The following BCCIP variants were observed in gnomAD, a reference collection of about 807,000 sequenced individuals.
The protein encoded by BCCIP is BRCA2 and CDKN1A-interacting protein.
In BCCIP, 23 loss-of-function variants were observed where a neutral mutation model predicts 32.8. The observed-to-expected ratio is 0.70, with a 90% CI of 0.51 to 0.99. BCCIP has a LOEUF of 0.99. BCCIP is among the 50% of genes least tolerant of loss of function. BCCIP has a pLI of 0.00. For missense variants in BCCIP, 378 were observed against 379.8 expected, an observed-to-expected ratio of 1.00 and a Z score of 0.04; for synonymous variants, 144 against 137.6, an observed-to-expected ratio of 1.05 and a Z score of -0.33.
downstream of BCCIP, chr10:125,836,714 T>G: frequency 2.5e-6 from 4 of 1,614,176 alleles, no homozygotes; most frequent in Non-Finnish European, 3.4e-6. Flanking sequence ...TCTGTTCAGT[T>G]TCAGGGCACG....
chr10:125,846,536 C>T (rs567800866), downstream of BCCIP, among the ~76,000 whole-genome samples: 2 of 152,326 alleles, frequency 1.3e-5, no homozygotes, highest in Admixed American at 1.3e-4. Flanking sequence ...GGCAGGCACA[C>T]ATCTGGGACA....
At chr10:125,840,846 C>A (rs776427658), downstream of BCCIP, 6 of 1,583,130 alleles carry the variant, frequency 3.8e-6, no homozygotes, top group East Asian at 4.5e-5. Flanking sequence ...CATTCACTTA[C>A]ACTCACTGCT....
intron 7 of BCCIP, among the ~76,000 whole-genome samples, chr10:125,848,967 A>G (rs1449381377): frequency 6.6e-6 from 1 of 152,168 alleles, no homozygotes; most frequent in Non-Finnish European, 1.5e-5. Flanking sequence ...CCAGGCTTGG[A>G]GCCCTGGCAG....
intron 1 of BCCIP, 73 bp downstream of exon 1, chr10:125,823,795 A>G: frequency 1.3e-6 from 2 of 1,580,294 alleles, no homozygotes; most frequent in Non-Finnish European, 8.6e-7. Flanking sequence ...CTGTGTAAAA[A>G]TAGTGTAGGG....
At chr10:125,839,234 A>C, downstream of BCCIP, 2 of 1,586,318 alleles carry the variant, frequency 1.3e-6, no homozygotes, top group Non-Finnish European at 1.7e-6. Context: ...ATTTGTCAGA[A>C]GCTCTGAAGA....
downstream of BCCIP, chr10:125,838,913 AT>A: frequency 7.3e-7 from 1 of 1,367,924 alleles, no homozygotes; most frequent in Non-Finnish European, 9.9e-7. Flanking sequence ...TAATGTCAAA[AT>A]CATCATCCTA....
In BCCIP at chr10:125,836,347, A is replaced by C; in HGVS notation, c.*73A>C. 4.4e-6 allele frequency: 7 copies of C among 1,608,090 alleles called. No individual in the cohort carries two copies. Among genetic ancestry groups the C allele is most frequent in the Non-Finnish European group, 5.1e-6 (6 of 1,177,498 alleles). On this transcript the variant is annotated 3_prime_UTR_variant, in exon 7 of 7. Transcript: ENST00000278100. ...AAAACTCAGTGGAGATTTACTGAAA[A>C]ACTCAGACTTTATTCAGATTAAGTT...
At chr10:125,844,155 T>C (rs1854950999), downstream of BCCIP, among the ~76,000 whole-genome samples, 1 of 151,458 alleles carries the variant, frequency 6.6e-6, no homozygotes, top group African/African-American at 2.4e-5. Flanking sequence ...AGTTCAAGAG[T>C]TCTATCAGTG....
At position 125,827,567 on chromosome 10, in the gene BCCIP, A is replaced by T; in HGVS notation, c.250A>T (p.Lys84Ter). Residue 84 changes from lysine (K) to a stop codon, truncating the protein, a stop_gained, in exon 3 of 7, where the codon AAG becomes TAG. Coordinates refer to ENST00000278100, the MANE Select transcript of BCCIP (RefSeq NM_078468.3). LOFTEE classifies it high-confidence loss of function. ...IKKLLQQLFL[K>*]APVNTAELTD... ...TTTTTCCTCCTTTTAGCTTTTTCTA[A>T]AGGCTCCTGTGAACACTGCAGAACT... The T allele has an allele frequency of 6.2e-7, 1 of 1,606,660 alleles. No individual in the cohort carries two copies. The highest frequency in any genetic ancestry group is 1.1e-5 in the South Asian group (1 of 89,668).
At chr10:125,852,169 C>G in intron 7 of BCCIP, 2 of 1,261,956 alleles carry the variant, frequency 1.6e-6, no homozygotes, top group Non-Finnish European at 2.1e-6. Context: ...ATGCTTCAGT[C>G]CAAACCAACG....
In BCCIP at chr10:125,836,214, A is replaced by G; in HGVS notation, c.885A>G (p.Leu295=). Residue 295 remains leucine (L), a synonymous_variant, in exon 7 of 7, where the codon TTA becomes TTG. Coordinates refer to ENST00000278100, the MANE Select transcript of BCCIP (RefSeq NM_078468.3). ...TGACGCCCTTGCGAACTGTGATGTTAATTCCAGGCGACAAGATGAACGAAA... is the reference window on the plus strand; with the variant it reads ...TGACGCCCTTGCGAACTGTGATGTTGATTCCAGGCGACAAGATGAACGAAA... The part of the protein sequence containing the change: ...VPMTPLRTVM[L]IPGDKMNEIM... 6.2e-7 allele frequency: 1 copy of G among 1,614,204 alleles called. No individual in the cohort carries two copies.
chr10:125,850,532 T>C (rs1181383135), intron 7 of BCCIP, among the ~76,000 whole-genome samples: 1 of 152,010 alleles, frequency 6.6e-6, no homozygotes, highest in Non-Finnish European at 1.5e-5. Context: ...TAATTTTGTT[T>C]TTAGTAGAGA....
downstream of BCCIP, among the ~76,000 whole-genome samples, chr10:125,839,923 C>T (rs937225053): frequency 6.6e-6 from 1 of 152,212 alleles, no homozygotes; most frequent in Non-Finnish European, 1.5e-5. Flanking sequence ...ATTCAGCATG[C>T]CCTCAAAAGG....
intron 7 of BCCIP, among the ~76,000 whole-genome samples, chr10:125,851,607 A>G (rs1366061508): frequency 6.6e-6 from 1 of 152,150 alleles, no homozygotes; most frequent in Non-Finnish European, 1.5e-5. Context: ...GGGGCTCAGG[A>G]CACACCACCC....
At chr10:125,833,308 G>A (rs1284279650) in intron 5 of BCCIP, among the ~76,000 whole-genome samples, 1 of 152,214 alleles carries the variant, frequency 6.6e-6, no homozygotes, top group Non-Finnish European at 1.5e-5. Flanking sequence ...AGTTTCTGCA[G>A]TATGTCAGAA....
intron 2 of BCCIP, 118 bp from the exon 3 acceptor site, chr10:125,827,440 T>C (rs1854423899): frequency 1.5e-6 from 1 of 669,896 alleles, no homozygotes; most frequent in Non-Finnish European, 2.4e-6. Context: ...TGGGGTTGCT[T>C]TTCTAGATCA....
intron 4 of BCCIP, among the ~76,000 whole-genome samples, chr10:125,831,051 G>A (rs1854510304): frequency 6.6e-6 from 1 of 152,182 alleles, no homozygotes; most frequent in African/African-American, 2.4e-5. Context: ...TCTCTGATGA[G>A]TTGTAATAAA....
intron 7 of BCCIP, among the ~76,000 whole-genome samples, chr10:125,849,515 A>G (rs2134039903): frequency 6.6e-6 from 1 of 152,322 alleles, no homozygotes; most frequent in African/African-American, 2.4e-5. Context: ...ACTTTTGTGT[A>G]GCCTTTAAAC....
At chr10:125,848,828 A>G (rs1944055709) in intron 7 of BCCIP, among the ~76,000 whole-genome samples, 1 of 152,222 alleles carries the variant, frequency 6.6e-6, no homozygotes, top group African/African-American at 2.4e-5. Flanking sequence ...AGGGGCATGC[A>G]TATGTTAACT....
Sources: allele counts gnomAD v4.1 joint callset (sites outside exome capture counted in the v4.1 genomes callset), GRCh38; gene constraint gnomAD v4.1.1; transcripts MANE v1.5; gene names NCBI Gene and HGNC (gene_info 2026-07-23, HGNC 2026-07-21).